VAV3: variants seen among roughly 807,000 people sequenced by gnomAD.
VAV3 encodes the protein guanine nucleotide exchange factor VAV3.
VAV3 carries 94 observed loss-of-function variants against 131.2 expected under a neutral mutation model. The observed-to-expected ratio is 0.72, with a 90% CI of 0.61 to 0.85. VAV3 has a LOEUF of 0.85. Among genes scored for constraint, VAV3 ranks in the 40% least tolerant of loss-of-function variants. The pLI, the probability that VAV3 is intolerant of heterozygous loss-of-function variation, is 0.00. For synonymous variants in VAV3, 349 were observed against 342.0 expected (o/e 1.02, Z -0.22); for missense variants, 939 against 1,002.7 (o/e 0.94, Z 0.86).
At chr1:107,787,408 T>C (rs1053543265) in intron 2 of VAV3, among the ~76,000 whole-genome samples, 2 of 152,166 alleles carry the variant, frequency 1.3e-5, no homozygotes, top group Non-Finnish European at 2.9e-5. Flanking sequence ...CACAGACTAG[T>C]ATGACAAGCA....
chr1:107,724,417 A>C (rs548667434), intron 15 of VAV3, among the ~76,000 whole-genome samples: 14 of 152,258 alleles, frequency 9.2e-5, no homozygotes, highest in African/African-American at 3.4e-4. Context: ...TGCTTCAGAC[A>C]TTCTTTTATT....
At chr1:107,773,899 AC>A (rs1665190281) in intron 4 of VAV3, among the ~76,000 whole-genome samples, 1 of 152,024 alleles carries the variant, frequency 6.6e-6, no homozygotes, top group African/African-American at 2.4e-5. Context: ...AGCAAAATGG[AC>A]TGAAATTCAT....
intron 17 of VAV3, among the ~76,000 whole-genome samples, chr1:107,693,264 G>C (rs967535032): frequency 2.6e-5 from 4 of 152,166 alleles, no homozygotes; most frequent in Non-Finnish European, 4.4e-5. Context: ...GGAACTGCCT[G>C]CCCTTTATAT....
chr1:107,846,612 C>G (rs2100939708), intron 2 of VAV3, among the ~76,000 whole-genome samples: 1 of 152,242 alleles, frequency 6.6e-6, no homozygotes, highest in East Asian at 1.9e-4. Context: ...GGAGCGGTTG[C>G]AATCCTAGTC....
chr1:107,839,695 T>G (rs896814761), intron 2 of VAV3, among the ~76,000 whole-genome samples: 1 of 151,896 alleles, frequency 6.6e-6, no homozygotes, highest in African/African-American at 2.4e-5. Flanking sequence ...ATCAACAAAA[T>G]TGGAAACAGG....
intron 18 of VAV3, among the ~76,000 whole-genome samples, chr1:107,684,604 A>T (rs1658889441): frequency 1.3e-5 from 2 of 152,212 alleles, no homozygotes; most frequent in South Asian, 4.1e-4. Context: ...AGAAATTTTT[A>T]AAATGTAATT....
chr1:107,734,050 A>G (rs1045413604), intron 15 of VAV3, among the ~76,000 whole-genome samples: 15 of 152,360 alleles, frequency 9.8e-5, no homozygotes, highest in African/African-American at 3.4e-4. Context: ...AGTGGGGGCC[A>G]ATATTCAACA....
In VAV3 at chr1:107,964,736, T is replaced by C. The variant is rs1675341828; in HGVS notation, c.134A>G (p.Gln45Arg). Residue 45 changes from glutamine to arginine, a missense_variant, in exon 1 of 27, where the codon CAG (glutamine) becomes CGG (arginine). By Grantham distance (43) the Gln-to-Arg change is conservative. Transcript: ENST00000370056. Reference sequence around the variant, plus strand: ...GTGCGCCCGGAGGTTGTTAAGCAGCTGGCAGAGCAGGACTCCATCGCGGAG... The same window carrying C: ...GTGCGCCCGGAGGTTGTTAAGCAGCCGGCAGAGCAGGACTCCATCGCGGAG... ...QTLRDGVLLC[Q>R]LLNNLRAHSI... 9.3e-6 allele frequency: 15 copies of C among 1,613,986 alleles called. No homozygotes were observed. Among genetic ancestry groups the C allele is most frequent in the Non-Finnish European group, 1.1e-5 (13 of 1,180,018 alleles).
At chr1:107,587,828 A>C (rs1462989587) in intron 25 of VAV3, among the ~76,000 whole-genome samples, 1 of 152,070 alleles carries the variant, frequency 6.6e-6, no homozygotes, top group Non-Finnish European at 1.5e-5. Flanking sequence ...CTAACCTCAA[A>C]TGATCCACCT....
intron 1 of VAV3, among the ~76,000 whole-genome samples, chr1:107,876,583 G>A (rs1439650258): frequency 6.6e-6 from 1 of 152,056 alleles, no homozygotes; most frequent in South Asian, 2.1e-4. Flanking sequence ...GCTGACCTTA[G>A]AGAAGAGCAT....
At chr1:107,695,521 C>T (rs746007699) in intron 17 of VAV3, among the ~76,000 whole-genome samples, 2 of 152,028 alleles carry the variant, frequency 1.3e-5, no homozygotes, top group Non-Finnish European at 2.9e-5. Flanking sequence ...TTAACTAAGA[C>T]AAAGCATAGG....
At chr1:107,835,284 C>T (rs1024492593) in intron 2 of VAV3, among the ~76,000 whole-genome samples, 2 of 152,128 alleles carry the variant, frequency 1.3e-5, no homozygotes, top group Non-Finnish European at 2.9e-5. Context: ...TTCCTGGAGG[C>T]CTAGGAGCAC....
chr1:107,806,988 G>T (rs1191242638), intron 2 of VAV3, among the ~76,000 whole-genome samples: 2 of 152,134 alleles, frequency 1.3e-5, no homozygotes, highest in Non-Finnish European at 2.9e-5. Context: ...ATACTGAATT[G>T]TTTATGGATT....
chr1:107,917,548 A>G (rs1026101740), intron 1 of VAV3, among the ~76,000 whole-genome samples: 18 of 152,174 alleles, frequency 1.2e-4, no homozygotes, highest in African/African-American at 4.3e-4. Context: ...TTCAAACCTG[A>G]TTGACTAAAA....
chr1:107,851,129 G>A lies in VAV3; in HGVS notation c.321+23772C>T, dbSNP rs916467684. 2.1e-5 allele frequency among the ~76,000 whole-genome samples: 3 copies of A among 144,106 alleles called. No individual in the cohort carries two copies. The East Asian group carries it at 6.2e-4, about 30-fold the overall frequency. 94.5% of individuals were successfully genotyped at this position (144,106 alleles called of 152,430 possible). A position where few individuals can be genotyped will look rare whatever the true frequency, so the allele number is the denominator to read the frequency against. On this transcript the variant is annotated intron_variant, in intron 2 of 26. Transcript: ENST00000370056. ...GGAGCTTGCAGTGAGCCGGGATAGC[G>A]CCACTGCAGTCCAGCTTGGGAGAAA...
At chr1:107,901,192 G>C (rs1022534140) in intron 1 of VAV3, among the ~76,000 whole-genome samples, 5 of 152,178 alleles carry the variant, frequency 3.3e-5, no homozygotes, top group African/African-American at 1.2e-4. Context: ...ATTTACCTAT[G>C]TGATTAAAAA....
intron 1 of VAV3, among the ~76,000 whole-genome samples, chr1:107,926,431 A>C (rs1450383783): frequency 6.6e-6 from 1 of 152,234 alleles, no homozygotes; most frequent in Non-Finnish European, 1.5e-5. Context: ...CTTCAAAGAC[A>C]CCAATTTAAC....
intron 2 of VAV3, among the ~76,000 whole-genome samples, chr1:107,807,026 T>C (rs898544501): frequency 5.3e-5 from 8 of 152,194 alleles, no homozygotes; most frequent in Non-Finnish European, 8.8e-5. Context: ...ATGTACGTGT[T>C]CAGTACAGAT....
chr1:107,917,903 T>C (rs1672698929), intron 1 of VAV3, among the ~76,000 whole-genome samples: 1 of 152,174 alleles, frequency 6.6e-6, no homozygotes, highest in Non-Finnish European at 1.5e-5. Flanking sequence ...TTTGGAGTAT[T>C]TTCAGATGAG....
Sources: allele counts gnomAD v4.1 joint callset (sites outside exome capture counted in the v4.1 genomes callset), GRCh38; gene constraint gnomAD v4.1.1; transcripts MANE v1.5; gene names NCBI Gene and HGNC (gene_info 2026-07-23, HGNC 2026-07-21).